Variants in DPYD observed in about 807,000 individuals in gnomAD.
DPYD encodes the protein dihydropyrimidine dehydrogenase, also known as dihydropyrimidine dehydrogenase [NADP(+)].
DPYD carries 109 observed loss-of-function variants against 116.2 expected under a neutral mutation model. The observed-to-expected ratio is 0.94, with a 90% CI of 0.80 to 1.10. The LOEUF is 1.10. DPYD is among the 50% of genes least tolerant of loss of function. The pLI is 0.00. For synonymous variants in DPYD, 440 were observed against 432.0 expected, an observed-to-expected ratio of 1.02 and a Z score of -0.23; for missense variants, 1,302 against 1,254.5, an observed-to-expected ratio of 1.04 and a Z score of -0.57.
intron 8 of DPYD, among the ~76,000 whole-genome samples, chr1:97,621,013 T>G (rs766310215): frequency 2.0e-5 from 3 of 152,158 alleles, no homozygotes; most frequent in Non-Finnish European, 2.9e-5. Flanking sequence ...CAAGCCTGTC[T>G]AATTTTATAA....
chr1:97,360,436 G>A (rs983053355), intron 16 of DPYD, among the ~76,000 whole-genome samples: 7 of 152,136 alleles, frequency 4.6e-5, no homozygotes, highest in African/African-American at 1.7e-4. Flanking sequence ...CTTGAACTCA[G>A]CTCTGCACCA....
intron 16 of DPYD, among the ~76,000 whole-genome samples, chr1:97,327,112 T>C (rs2101140945): frequency 6.6e-6 from 1 of 152,148 alleles, no homozygotes; most frequent in Non-Finnish European, 1.5e-5. Context: ...CAGGCCTAAA[T>C]AGGACCTGAA....
At chr1:97,499,375 T>C (rs1001649481) in intron 13 of DPYD, among the ~76,000 whole-genome samples, 13 of 151,952 alleles carry the variant, frequency 8.6e-5, no homozygotes, top group Non-Finnish European at 1.5e-4. Context: ...TCCATTTTTA[T>C]GTCTGAGAAC....
At chr1:97,854,948 T>TTATGGGTATGA (rs1670745171) in intron 2 of DPYD, 1 of 152,178 alleles carries the variant, frequency 6.6e-6, no homozygotes, top group Non-Finnish European at 1.5e-5. Context: ...CATGAATGCT[T>TTATGGGTATGA]TATGGGTATG....
At chr1:97,165,469 CT>C (rs1196110075) in intron 20 of DPYD, among the ~76,000 whole-genome samples, 1 of 152,008 alleles carries the variant, frequency 6.6e-6, no homozygotes, top group Admixed American at 6.6e-5. Context: ...TATAAAAACG[CT>C]GGATGACAAC....
chr1:97,086,364 T>G (rs1485796018), intron 21 of DPYD, among the ~76,000 whole-genome samples: 1 of 151,972 alleles, frequency 6.6e-6, no homozygotes, highest in African/African-American at 2.4e-5. Context: ...TTTTTTTTTT[T>G]TTTTTAATAG....
intron 19 of DPYD, among the ~76,000 whole-genome samples, chr1:97,194,560 A>G (rs1658614547): frequency 6.6e-6 from 1 of 152,014 alleles, no homozygotes; most frequent in Non-Finnish European, 1.5e-5. Context: ...GCTGGAGTGC[A>G]GCAGCGCGAT....
intron 3 of DPYD, among the ~76,000 whole-genome samples, chr1:97,804,083 C>T (rs1401323354): frequency 6.6e-6 from 1 of 151,604 alleles, no homozygotes; most frequent in Non-Finnish European, 1.5e-5. Context: ...AATGAAAAGT[C>T]TCATCACAGT....
At chr1:97,496,369 C>A (rs1475607555) in intron 13 of DPYD, among the ~76,000 whole-genome samples, 1 of 152,060 alleles carries the variant, frequency 6.6e-6, no homozygotes, top group African/African-American at 2.4e-5. Context: ...TGAACATGTT[C>A]ATCTGCTCTC....
chr1:97,860,935 T>C (rs1225334955), intron 2 of DPYD, among the ~76,000 whole-genome samples: 2 of 152,018 alleles, frequency 1.3e-5, no homozygotes, highest in Admixed American at 6.6e-5. Flanking sequence ...TTAAGGTTTA[T>C]ATATCTTTTG....
intron 20 of DPYD, among the ~76,000 whole-genome samples, chr1:97,164,865 A>G (rs1279866488): frequency 6.9e-6 from 1 of 145,424 alleles, no homozygotes; most frequent in African/African-American, 2.7e-5. Context: ...CAACGTACAG[A>G]TTCTTTTTTT....
intron 5 of DPYD, chr1:97,721,033 A>T: frequency 7.0e-7 from 1 of 1,432,914 alleles, no homozygotes; most frequent in South Asian, 1.3e-5. Flanking sequence ...ATCTAATGAC[A>T]TTATTAATGT....
chr1:97,790,545 C>G (rs1034666724), intron 3 of DPYD, among the ~76,000 whole-genome samples: 7 of 152,196 alleles, frequency 4.6e-5, no homozygotes, highest in Non-Finnish European at 2.9e-5. Context: ...TCTTACTTTT[C>G]TGACATTTGT....
At chr1:97,265,012 T>C (rs1053148607) in intron 18 of DPYD, among the ~76,000 whole-genome samples, 1 of 152,086 alleles carries the variant, frequency 6.6e-6, no homozygotes, top group African/African-American at 2.4e-5. Context: ...TTTACCCCAA[T>C]AGATAGTAAT....
At chr1:97,365,182 T>C (rs1670961344) in intron 16 of DPYD, among the ~76,000 whole-genome samples, 1 of 152,228 alleles carries the variant, frequency 6.6e-6, no homozygotes, top group East Asian at 1.9e-4. Flanking sequence ...TCTCCTTTAC[T>C]CTCGAGTCAT....
chr1:97,593,659 A>G (rs1333159821), intron 9 of DPYD, among the ~76,000 whole-genome samples: 3 of 152,174 alleles, frequency 2.0e-5, no homozygotes, highest in Non-Finnish European at 4.4e-5. Context: ...GTCATAACAG[A>G]CTGGAATCAA....
rs188411150 is a variant in DPYD, at chr1:97,847,116, T to C, written c.151-18920A>G. On this transcript the variant is annotated intron_variant, in intron 2 of 22. Transcript: ENST00000370192. ...GAACTGGACTATGTGAATTTAGAAC[T>C]GGACTATGTGAATTTAGAACTGGAC... Among the ~76,000 whole-genome samples, 327 of 152,340 alleles carry C rather than the reference T, an allele frequency of 2.1e-3. 1 individual carries two copies. The highest frequency in any genetic ancestry group is 4.0e-3 in the Admixed American group (61 of 15,298).
intron 16 of DPYD, among the ~76,000 whole-genome samples, chr1:97,328,374 C>T (rs572566007): frequency 4.6e-5 from 7 of 152,140 alleles, no homozygotes; most frequent in South Asian, 2.1e-4. Flanking sequence ...TGGCATGCAG[C>T]GAAAACCAGT....
At chr1:97,703,706 A>G (rs116025468) in intron 5 of DPYD, among the ~76,000 whole-genome samples, 2,012 of 152,202 alleles carry the variant, frequency 0.013, 21 homozygotes, top group Middle Eastern at 0.024. Flanking sequence ...TACATCGAAC[A>G]CATCCATCAC....
Sources: allele counts gnomAD v4.1 joint callset (sites outside exome capture counted in the v4.1 genomes callset), GRCh38; gene constraint gnomAD v4.1.1; transcripts MANE v1.5; gene names NCBI Gene and HGNC (gene_info 2026-07-23, HGNC 2026-07-21).